The following ARHGAP40 variants were observed in gnomAD, a reference collection of about 807,000 sequenced individuals.
The protein encoded by ARHGAP40 is rho GTPase-activating protein 40.
A neutral mutation model predicts 73.5 loss-of-function variants in ARHGAP40; 43 were observed. That is an observed-to-expected ratio of 0.58 (90% CI 0.46 to 0.75). The LOEUF is 0.75. Among genes scored for constraint, ARHGAP40 ranks in the 30% least tolerant of loss-of-function variants. ARHGAP40 has a pLI of 0.00. For missense variants in ARHGAP40, 734 were observed against 861.8 expected, an observed-to-expected ratio of 0.85 and a Z score of 1.86; for synonymous variants, 300 against 352.8, an observed-to-expected ratio of 0.85 and a Z score of 1.68.
chr20:38,606,025 C>G (rs1392010788), intron 1 of ARHGAP40, among the ~76,000 whole-genome samples: 1 of 152,076 alleles, frequency 6.6e-6, no homozygotes, highest in African/African-American at 2.4e-5. Flanking sequence ...CCACGCCTAG[C>G]TATTTTTTTC....
chr20:38,606,523 A>C (rs1225922108), intron 1 of ARHGAP40, among the ~76,000 whole-genome samples: 1 of 152,182 alleles, frequency 6.6e-6, no homozygotes, highest in Non-Finnish European at 1.5e-5. Context: ...TTGGATTGGG[A>C]GAAACCTGTC....
chr20:38,637,263 A>T (rs560900437), intron 6 of ARHGAP40, among the ~76,000 whole-genome samples: 2 of 151,584 alleles, frequency 1.3e-5, no homozygotes, highest in East Asian at 3.9e-4. Flanking sequence ...CTCCTGCCTC[A>T]GCCTCCCGAG....
chr20:38,618,709 A>G (rs536838688), intron 1 of ARHGAP40, among the ~76,000 whole-genome samples: 3 of 152,250 alleles, frequency 2.0e-5, no homozygotes, highest in East Asian at 1.9e-4. Flanking sequence ...GGGCACCTGC[A>G]TGTCACCTGG....
intron 1 of ARHGAP40, among the ~76,000 whole-genome samples, chr20:38,603,399 G>T (rs1234529775): frequency 7.0e-6 from 1 of 142,898 alleles, no homozygotes; most frequent in Non-Finnish European, 1.5e-5. Context: ...AGACAAGTTT[G>T]TTTATCTGTC....
intron 13 of ARHGAP40, among the ~76,000 whole-genome samples, chr20:38,648,209 A>G (rs1231783396): frequency 6.6e-6 from 1 of 152,260 alleles, no homozygotes; most frequent in Non-Finnish European, 1.5e-5. Flanking sequence ...CAGGATACCC[A>G]TAATTATCAT....
Position 38,608,394 on chromosome 20 carries a change from C to A in ARHGAP40, c.137+6315C>A, listed in dbSNP as rs559912132. On this transcript the variant is annotated intron_variant, in intron 1 of 14. Transcript: ENST00000373345. ...CCCCTTTTGTTCTCTAGTTACTACT[C>A]TGTCCCCTCGGGCTGTTTGCCCCAT... is the stretch of plus-strand genomic sequence containing the variant. 7.9e-5 allele frequency among the ~76,000 whole-genome samples: 12 copies of A among 152,334 alleles called. No individual in the cohort carries two copies. In the South Asian group the frequency reaches 8.3e-4, roughly 11 times the overall value.
intron 2 of ARHGAP40, among the ~76,000 whole-genome samples, chr20:38,624,670 C>T (rs923480200): frequency 3.9e-5 from 6 of 152,144 alleles, no homozygotes. Flanking sequence ...CTCCCTTGGC[C>T]TCAAATGCTC....
At chr20:38,645,612 T>C (rs953260156) in intron 11 of ARHGAP40, among the ~76,000 whole-genome samples, 4 of 152,138 alleles carry the variant, frequency 2.6e-5, no homozygotes, top group Non-Finnish European at 5.9e-5. Context: ...CTCTGCTGGG[T>C]TCGGATCCCA....
chr20:38,630,558 G>T (rs543401505), intron 5 of ARHGAP40, among the ~76,000 whole-genome samples: 11 of 152,108 alleles, frequency 7.2e-5, no homozygotes, highest in African/African-American at 2.4e-4. Context: ...TCCCAGCATA[G>T]TTCCTTCCAA....
In ARHGAP40 at chr20:38,650,548, C is replaced by T. The variant is rs187304655; in HGVS notation, c.*700C>T. ...GACAGAGGAAGACTTTGCTTCACAGCTCTCATGCTTTACATGTTGATTTGT... is the reference window on the plus strand; with the variant it reads ...GACAGAGGAAGACTTTGCTTCACAGTTCTCATGCTTTACATGTTGATTTGT... On this transcript the variant is annotated 3_prime_UTR_variant, in exon 15 of 15. Transcript: ENST00000373345. 2.0e-3 allele frequency: 947 copies of T among 465,830 alleles called. 5 individuals carry two copies. Among genetic ancestry groups the T allele is most frequent in the South Asian group, 3.2e-3 (206 of 63,818 alleles). 28.9% of individuals were successfully genotyped at this position (465,830 alleles called of 1,614,324 possible).
intron 13 of ARHGAP40, among the ~76,000 whole-genome samples, chr20:38,647,472 C>T (rs549057578): frequency 6.6e-6 from 1 of 152,278 alleles, no homozygotes; most frequent in African/African-American, 2.4e-5. Flanking sequence ...CTCACTGCAA[C>T]CTCCTTCTCC....
chr20:38,615,779 G>A (rs536076648), intron 1 of ARHGAP40, among the ~76,000 whole-genome samples: 4 of 152,288 alleles, frequency 2.6e-5, no homozygotes, highest in East Asian at 3.9e-4. Flanking sequence ...GGGGTTGTGC[G>A]ATAGCGTGCT....
At chr20:38,632,496 C>A (rs1391302730) in intron 5 of ARHGAP40, among the ~76,000 whole-genome samples, 1 of 151,410 alleles carries the variant, frequency 6.6e-6, no homozygotes, top group African/African-American at 2.4e-5. Flanking sequence ...CTCCTGACTT[C>A]GTGATCCGCC....
chr20:38,630,655 G>A (rs998734141), intron 5 of ARHGAP40, among the ~76,000 whole-genome samples: 30 of 152,146 alleles, frequency 2.0e-4, no homozygotes, highest in African/African-American at 7.0e-4. Context: ...GGTACAGCTT[G>A]GTGTGTATGC....
intron 1 of ARHGAP40, chr20:38,615,040 T>A: frequency 9.4e-7 from 1 of 1,059,236 alleles, no homozygotes; most frequent in Non-Finnish European, 1.5e-6. Flanking sequence ...TTATCCGGCT[T>A]GGCATGTGCC....
intron 1 of ARHGAP40, among the ~76,000 whole-genome samples, chr20:38,611,864 G>A (rs543653429): frequency 1.8e-4 from 27 of 151,922 alleles, no homozygotes; most frequent in Admixed American, 3.3e-4. Context: ...ACGAGCCACC[G>A]TGCCTGGCCA....
chr20:38,645,911 G>A (rs904130432), intron 11 of ARHGAP40, 136 bp from the exon 12 acceptor site: 51 of 812,214 alleles, frequency 6.3e-5, no homozygotes, highest in South Asian at 4.0e-4. Context: ...CTTCCGTCCC[G>A]TGTCCAACAA....
chr20:38,625,180 A>C (rs1414371106), intron 2 of ARHGAP40, among the ~76,000 whole-genome samples: 1 of 152,246 alleles, frequency 6.6e-6, no homozygotes, highest in Non-Finnish European at 1.5e-5. Context: ...TGGTTACACT[A>C]GAAGTGGTTT....
chr20:38,632,741 C>T (rs2145607791), intron 5 of ARHGAP40, among the ~76,000 whole-genome samples: 1 of 152,000 alleles, frequency 6.6e-6, no homozygotes, highest in Non-Finnish European at 1.5e-5. Context: ...TTTGGAAGGC[C>T]AAGGTGGGAG....
Sources: allele counts gnomAD v4.1 joint callset (sites outside exome capture counted in the v4.1 genomes callset), GRCh38; gene constraint gnomAD v4.1.1; transcripts MANE v1.5; gene names NCBI Gene and HGNC (gene_info 2026-07-23, HGNC 2026-07-21).